IL34: variants seen among roughly 807,000 people sequenced by gnomAD.
IL34 encodes interleukin 34, also known as interleukin-34.
Under a neutral mutation model 25.3 loss-of-function variants are expected in IL34, and 17 were observed. The ratio of observed to expected loss-of-function variants is 0.67; its 90% CI spans 0.46 to 1.01. IL34 has a LOEUF of 1.01. Ranked by LOEUF, IL34 falls within the 50% of genes least tolerant of loss-of-function variation. The pLI is 0.00. For synonymous variants in IL34, 174 were observed against 140.9 expected (o/e 1.23, Z -1.66); for missense variants, 368 against 312.9 (o/e 1.18, Z -1.33).
chr16:70,598,508 GCT>G (rs2050858485), intron 1 of IL34, among the ~76,000 whole-genome samples: 1 of 152,168 alleles, frequency 6.6e-6, no homozygotes, highest in African/African-American at 2.4e-5. Context: ...GGAGGCCAAG[GCT>G]GGCGGATCAC....
intron 1 of IL34, among the ~76,000 whole-genome samples, chr16:70,626,703 T>G (rs1190469161): frequency 1.3e-5 from 2 of 151,766 alleles, no homozygotes; most frequent in Non-Finnish European, 2.9e-5. Context: ...GCCAAAAACA[T>G]GATGTCTCCT....
At chr16:70,599,293 C>CTTTCTTTTTTTCTTTCCTTCTTCT (rs113794220) in intron 1 of IL34, among the ~76,000 whole-genome samples, 1 of 132,702 alleles carries the variant, frequency 7.5e-6, no homozygotes, top group African/African-American at 3.0e-5. Context: ...TTCTTTCTTT[C>CTTTCTTTTTTTCTTTCCTTCTTCT]TTCTTTCTTT....
At chr16:70,642,144 T>C (rs938663782), upstream of IL34, among the ~76,000 whole-genome samples, 2 of 152,136 alleles carry the variant, frequency 1.3e-5, no homozygotes, top group South Asian at 4.1e-4. Flanking sequence ...ACCAGCATGA[T>C]TGATTTCCGG....
Position 70,659,726 on chromosome 16 carries a change from GT to G in IL34, c.512del (p.Val171AlafsTer16). Reference protein sequence around the residue: ...PKALLDNCFRVMELLYCSCCK... With the variant: ...PKALLDNCFRXMELLYCSCCK... Reference sequence around the variant, plus strand: ...AGCCCTGCTGGACAACTGCTTCCGGGTCATGGAGCTGCTGTACTGCTCCTGC... The same window carrying G: ...AGCCCTGCTGGACAACTGCTTCCGGGCATGGAGCTGCTGTACTGCTCCTGC... On this transcript the variant is annotated frameshift_variant, in exon 5 of 6. Coordinates refer to ENST00000288098, the MANE Select transcript of IL34 (RefSeq NM_001393494.1). LOFTEE classifies it low-confidence loss of function (END_TRUNC). 6.2e-7 allele frequency: 1 copy of G among 1,607,122 alleles called. No individual in the cohort carries two copies. Among genetic ancestry groups the G allele is most frequent in the Non-Finnish European group, 8.5e-7 (1 of 1,176,764 alleles).
intron 1 of IL34, among the ~76,000 whole-genome samples, chr16:70,652,184 G>A (rs1336891457): frequency 1.3e-5 from 2 of 152,050 alleles, no homozygotes; most frequent in Non-Finnish European, 2.9e-5. Context: ...GGCCAGGTGT[G>A]GTGGCTCATG....
chr16:70,598,773 T>A (rs1295320759), intron 1 of IL34, among the ~76,000 whole-genome samples: 1 of 152,166 alleles, frequency 6.6e-6, no homozygotes, highest in African/African-American at 2.4e-5. Flanking sequence ...TTTTAAAGAA[T>A]GAAAATTAGT....
chr16:70,606,598 T>C (rs988258868), intron 1 of IL34, among the ~76,000 whole-genome samples: 3 of 152,048 alleles, frequency 2.0e-5, no homozygotes, highest in African/African-American at 7.2e-5. Context: ...TTTCTAGATT[T>C]TTTTTTTGAG....
intron 1 of IL34, among the ~76,000 whole-genome samples, chr16:70,618,823 G>A (rs1461276055): frequency 6.6e-6 from 1 of 152,116 alleles, no homozygotes; most frequent in Non-Finnish European, 1.5e-5. Flanking sequence ...AGTAATGGGG[G>A]CTGTCTGTGA....
intron 1 of IL34, among the ~76,000 whole-genome samples, chr16:70,633,917 C>T (rs1597762334): frequency 6.6e-6 from 1 of 151,988 alleles, no homozygotes; most frequent in Admixed American, 6.6e-5. Context: ...GTGGCGTGAT[C>T]TTGGCTCACT....
At chr16:70,648,750 C>A (rs2052005944) in intron 1 of IL34, among the ~76,000 whole-genome samples, 1 of 151,866 alleles carries the variant, frequency 6.6e-6, no homozygotes, top group Admixed American at 6.6e-5. Flanking sequence ...GCTGCCATAA[C>A]CAATTAGAAA....
At chr16:70,594,879 C>A (rs1176026418) in intron 1 of IL34, among the ~76,000 whole-genome samples, 3 of 151,530 alleles carry the variant, frequency 2.0e-5, no homozygotes, top group Non-Finnish European at 2.9e-5. Context: ...AGATTCATAT[C>A]AAATATTCTA....
intron 1 of IL34, among the ~76,000 whole-genome samples, chr16:70,596,625 C>T (rs1478515383): frequency 6.6e-6 from 1 of 152,190 alleles, no homozygotes; most frequent in Non-Finnish European, 1.5e-5. Flanking sequence ...CTCTCTGTAC[C>T]CGTCCCCCAC....
At chr16:70,606,008 A>G (rs2151822412) in intron 1 of IL34, among the ~76,000 whole-genome samples, 1 of 149,882 alleles carries the variant, frequency 6.7e-6, no homozygotes, top group South Asian at 2.1e-4. Flanking sequence ...TGCTGAATAA[A>G]AGGAGTGATG....
At chr16:70,657,543 C>A (rs971162139) in intron 4 of IL34, among the ~76,000 whole-genome samples, 13 of 152,106 alleles carry the variant, frequency 8.5e-5, no homozygotes, top group East Asian at 3.9e-4. Context: ...CCTGTAATCC[C>A]AGCACTTTGG....
In IL34 at chr16:70,660,524, G is replaced by T. The variant is rs2151890642; in HGVS notation, c.*337G>T. The stretch of plus-strand genomic sequence containing the variant: ...CCGCAGCAGTGAGGGCACAGCTGTG[G>T]GTTGCAGGGGAGACAGCCAGCACGG... On this transcript the variant is annotated 3_prime_UTR_variant, in exon 6 of 6. Transcript: ENST00000288098. 4.1e-6 allele frequency: 1 copy of T among 241,946 alleles called. No homozygotes were observed. Among genetic ancestry groups the T allele is most frequent in the Non-Finnish European group, 7.9e-6 (1 of 126,208 alleles). The allele number at this position is 241,946 out of a possible 1,614,324, so 15.0% of individuals were successfully genotyped here.
intron 3 of IL34, 42 bp from the exon 4 acceptor site, chr16:70,656,918 G>A: frequency 6.3e-7 from 1 of 1,580,988 alleles, no homozygotes; most frequent in Non-Finnish European, 8.6e-7. Context: ...GAGCCCAGAG[G>A]CCCATGTCTC....
At chr16:70,618,030 G>A (rs1182415192) in intron 1 of IL34, among the ~76,000 whole-genome samples, 2 of 152,204 alleles carry the variant, frequency 1.3e-5, no homozygotes, top group Non-Finnish European at 2.9e-5. Flanking sequence ...CCAGCTTGAT[G>A]TGTAGAGAAG....
intron 1 of IL34, among the ~76,000 whole-genome samples, chr16:70,653,603 C>T (rs561584626): frequency 6.6e-6 from 1 of 152,180 alleles, no homozygotes; most frequent in South Asian, 2.1e-4. Flanking sequence ...GAGGCTGAGG[C>T]AGAAGGATCG....
At position 70,646,895 on chromosome 16, in the gene IL34, G is replaced by A. The variant is rs988451295; in HGVS notation, c.-53G>A. On this transcript the variant is annotated 5_prime_UTR_variant, in exon 1 of 6. Transcript: ENST00000288098. ...TGTAGGCCGTGCTTAGGCCTCTGTG[G>A]ACACACTGCTGGGGACGGCGCCTGA... The A allele has an allele frequency of 2.0e-6, 3 of 1,470,204 alleles. No individual in the cohort carries two copies. The highest frequency in any genetic ancestry group is 2.9e-5 in the Admixed American group (1 of 34,620). 91.1% of individuals were successfully genotyped at this position (1,470,204 alleles called of 1,614,324 possible). A position where few individuals can be genotyped will look rare whatever the true frequency, so the allele number is the denominator to read the frequency against.
Sources: allele counts gnomAD v4.1 joint callset (sites outside exome capture counted in the v4.1 genomes callset), GRCh38; gene constraint gnomAD v4.1.1; transcripts MANE v1.5; gene names NCBI Gene and HGNC (gene_info 2026-07-23, HGNC 2026-07-21).